The following ROBO2 variants were observed in gnomAD, a reference collection of about 807,000 sequenced individuals.
The protein encoded by ROBO2 is roundabout guidance receptor 2.
A neutral mutation model predicts 160.8 loss-of-function variants in ROBO2; 53 were observed. The observed-to-expected ratio is 0.33, with a 90% confidence interval of 0.26 to 0.41. The LOEUF is 0.41. Among genes scored for constraint, ROBO2 ranks in the 10% least tolerant of loss-of-function variants. The pLI is 1.00. For synonymous variants in ROBO2, 664 were observed against 611.7 expected (o/e 1.09, Z -1.26); for missense variants, 1,577 against 1,722.4 (o/e 0.92, Z 1.49).
At chr3:77,314,866 G>A (rs373330963) in intron 2 of ROBO2, among the ~76,000 whole-genome samples, 1 of 152,110 alleles carries the variant, frequency 6.6e-6, no homozygotes, top group Admixed American at 6.6e-5. Context: ...GGTTTGTCTT[G>A]TGAAAAATAA....
At chr3:76,638,255 A>G (rs1268884792) in intron 2 of ROBO2, among the ~76,000 whole-genome samples, 1 of 152,230 alleles carries the variant, frequency 6.6e-6, no homozygotes, top group Non-Finnish European at 1.5e-5. Flanking sequence ...TGAAAGAGAC[A>G]GTCCTATCAT....
intron 2 of ROBO2, among the ~76,000 whole-genome samples, chr3:76,121,781 G>T (rs2070763214): frequency 6.6e-6 from 1 of 152,110 alleles, no homozygotes; most frequent in Non-Finnish European, 1.5e-5. Context: ...AAACATTCAT[G>T]CCATGAATAC....
intron 24 of ROBO2, among the ~76,000 whole-genome samples, chr3:77,635,785 G>C (rs1321713058): frequency 6.6e-6 from 1 of 152,166 alleles, no homozygotes; most frequent in Admixed American, 6.6e-5. Context: ...CGTGACACTT[G>C]CATAACAACG....
chr3:76,072,778 A>G (rs936149540), intron 2 of ROBO2, among the ~76,000 whole-genome samples: 1 of 152,188 alleles, frequency 6.6e-6, no homozygotes, highest in African/African-American at 2.4e-5. Flanking sequence ...CATAGGGCCA[A>G]TGGCCTCAAG....
chr3:77,209,849 T>C (rs1308430800), intron 2 of ROBO2, among the ~76,000 whole-genome samples: 3 of 152,122 alleles, frequency 2.0e-5, no homozygotes, highest in Non-Finnish European at 4.4e-5. Flanking sequence ...CACTCAGAAA[T>C]ACTTACTTAT....
At chr3:76,681,715 T>C (rs1420723510) in intron 2 of ROBO2, among the ~76,000 whole-genome samples, 2 of 152,024 alleles carry the variant, frequency 1.3e-5, no homozygotes, top group South Asian at 2.1e-4. Flanking sequence ...AGAGGGTCAG[T>C]GTGGCTGGAA....
chr3:77,283,397 T>C (rs953283895), intron 2 of ROBO2, among the ~76,000 whole-genome samples: 1 of 152,330 alleles, frequency 6.6e-6, no homozygotes, highest in East Asian at 1.9e-4. Context: ...TTCAGAATGT[T>C]TGTTTTAAAA....
chr3:77,617,319 CAG>C (rs1559736883), intron 21 of ROBO2, among the ~76,000 whole-genome samples, 192 bp from the exon 23 acceptor site: 1 of 152,152 alleles, frequency 6.6e-6, no homozygotes, highest in African/African-American at 2.4e-5. Flanking sequence ...ATTGAGATAA[CAG>C]ATGTAATTAC....
chr3:76,637,497 G>A (rs2090406184), intron 2 of ROBO2, among the ~76,000 whole-genome samples: 1 of 152,072 alleles, frequency 6.6e-6, no homozygotes, highest in Non-Finnish European at 1.5e-5. Flanking sequence ...TGGGACAGGA[G>A]GGGTTGTGTG....
chr3:77,521,142 C>A (rs2090550585), intron 5 of ROBO2, among the ~76,000 whole-genome samples: 1 of 151,204 alleles, frequency 6.6e-6, no homozygotes, highest in Non-Finnish European at 1.5e-5. Flanking sequence ...CTCACACTCA[C>A]TCCACGAAAT....
intron 2 of ROBO2, among the ~76,000 whole-genome samples, chr3:77,312,585 A>C (rs1399398087): frequency 6.6e-6 from 1 of 152,208 alleles, no homozygotes; most frequent in Non-Finnish European, 1.5e-5. Flanking sequence ...ATATATTTTT[A>C]AATATTTTTG....
At chr3:77,596,501 A>C (rs187199897) in intron 18 of ROBO2, 122 bp from the exon 20 acceptor site, 1 of 1,210,516 alleles carries the variant, frequency 8.3e-7, no homozygotes, top group East Asian at 2.3e-5. Context: ...CAGGGAGTCT[A>C]CTTATATTAA....
At chr3:76,353,928 T>C (rs1394736545) in intron 2 of ROBO2, among the ~76,000 whole-genome samples, 4 of 151,910 alleles carry the variant, frequency 2.6e-5, no homozygotes, top group African/African-American at 9.7e-5. Context: ...GCAATTCTTG[T>C]GACCAGAAAT....
rs532530637 is a variant in ROBO2 at position 77,595,042 on chromosome 3, G to T, written c.2684-100G>T. The T allele has an allele frequency of 1.6e-5, 14 of 884,746 alleles. No individual in the cohort carries two copies. In the African/African-American group the frequency reaches 2.4e-4, roughly 15 times the overall value. The allele number at this position is 884,746 out of a possible 1,614,324, so 54.8% of individuals were successfully genotyped here. On this transcript the variant is annotated intron_variant, in intron 17 of 25. Transcript: ENST00000461745. ...TTATATTTTGTTAAAATTCCCAGAGGCCTCAGCTCTAAACTAAGGGCCAAT... is the reference window on the plus strand; with the variant it reads ...TTATATTTTGTTAAAATTCCCAGAGTCCTCAGCTCTAAACTAAGGGCCAAT...
intron 2 of ROBO2, among the ~76,000 whole-genome samples, chr3:77,246,621 C>T (rs976657547): frequency 3.9e-5 from 6 of 152,292 alleles, no homozygotes; most frequent in Admixed American, 2.6e-4. Context: ...GCTCCAGGGA[C>T]TGTGAATCAG....
chr3:76,624,878 G>A (rs919582973), intron 2 of ROBO2, among the ~76,000 whole-genome samples: 1 of 128,936 alleles, frequency 7.8e-6, no homozygotes, highest in Non-Finnish European at 1.6e-5. Context: ...AATGAATTTT[G>A]AAAAATACTT....
At chr3:77,641,044 G>A (rs1348239527) in intron 24 of ROBO2, among the ~76,000 whole-genome samples, 3 of 152,124 alleles carry the variant, frequency 2.0e-5, no homozygotes, top group South Asian at 2.1e-4. Flanking sequence ...GGCAGTCTAA[G>A]TTCAATCAAT....
intron 2 of ROBO2, among the ~76,000 whole-genome samples, chr3:77,223,269 AT>A (rs1214366451): frequency 6.6e-6 from 1 of 152,112 alleles, no homozygotes; most frequent in African/African-American, 2.4e-5. Context: ...ACCTTCATTG[AT>A]TTTTTTATAT....
chr3:76,183,338 A>C (rs943023090), intron 2 of ROBO2, among the ~76,000 whole-genome samples: 1 of 152,108 alleles, frequency 6.6e-6, no homozygotes, highest in South Asian at 2.1e-4. Flanking sequence ...TGTATTGGTA[A>C]AGCAAGTTAC....
Sources: gnomAD v4.1 joint callset for allele counts (sites outside exome capture counted in the v4.1 genomes callset) on GRCh38, gnomAD v4.1.1 for gene constraint, MANE v1.5 for transcripts, NCBI Gene and HGNC (gene_info 2026-07-23, HGNC 2026-07-21) for gene names.